ANKRD44: variants seen among roughly 807,000 people sequenced by gnomAD.
ANKRD44 encodes the protein ankyrin repeat domain 44, also known as serine/threonine-protein phosphatase 6 regulatory ankyrin repeat subunit B.
ANKRD44 carries 35 observed loss-of-function variants against 116.0 expected under a neutral mutation model. The ratio of observed to expected loss-of-function variants is 0.30; its 90% CI spans 0.23 to 0.40. The LOEUF is 0.40. ANKRD44 is among the 10% of genes least tolerant of loss of function. ANKRD44 has a pLI of 1.00. For synonymous variants in ANKRD44, 435 were observed against 461.8 expected (o/e 0.94, Z 0.74); for missense variants, 1,014 against 1,242.6 (o/e 0.82, Z 2.77).
At chr2:197,159,420 G>GT (rs924570808) in intron 2 of ANKRD44, among the ~76,000 whole-genome samples, 5 of 152,118 alleles carry the variant, frequency 3.3e-5, no homozygotes, top group African/African-American at 1.2e-4. Flanking sequence ...TTGTTTGACT[G>GT]TGTTTCAAGA....
chr2:197,027,488 T>C (rs923258869), intron 16 of ANKRD44, among the ~76,000 whole-genome samples: 1 of 152,026 alleles, frequency 6.6e-6, no homozygotes, highest in African/African-American at 2.4e-5. Context: ...CCAGGACTGA[T>C]GCCTGGGGCA....
intron 16 of ANKRD44, among the ~76,000 whole-genome samples, chr2:197,063,520 G>T (rs1289367622): frequency 1.3e-5 from 2 of 152,190 alleles, no homozygotes; most frequent in Admixed American, 1.3e-4. Flanking sequence ...AAAGGAGGAA[G>T]TTCGAACCCA....
In ANKRD44 at chr2:197,003,812, T is replaced by A. The variant is rs1185285498; in HGVS notation, c.2347+1882A>T. On this transcript the variant is annotated intron_variant, in intron 21 of 27. Coordinates refer to ENST00000282272, the MANE Select transcript of ANKRD44 (RefSeq NM_001195144.2). ...GAGAGCTCCCACAGCTTGACCCAGA[T>A]GGGGGTCACCCATTAGTAGGTTAAA... Among the ~76,000 whole-genome samples, 3 of 151,834 alleles carry A rather than the reference T, an allele frequency of 2.0e-5. No individual in the cohort carries two copies. In the East Asian group the frequency reaches 5.8e-4, roughly 29 times the overall value.
At chr2:196,975,771 G>A (rs2075753112) in intron 21 of ANKRD44, among the ~76,000 whole-genome samples, 1 of 145,234 alleles carries the variant, frequency 6.9e-6, no homozygotes, top group Admixed American at 7.0e-5. Context: ...CTGGGTGACA[G>A]AGCTAGTCTC....
At chr2:197,301,290 G>GT (rs2083900653) in intron 1 of ANKRD44, 1 of 152,292 alleles carries the variant, frequency 6.6e-6, no homozygotes, top group Middle Eastern at 3.4e-3. Context: ...GAGCTATGCT[G>GT]TATCATTGCT....
Position 196,978,133 on chromosome 2 carries a change from G to A in ANKRD44, c.2369-10687C>T, listed in dbSNP as rs561003538. ...CTATAATCCCCAATGTTAGAGGGGG[G>A]CCTGGTGGGAGGTGTTTGGGTCATG... On this transcript the variant is annotated intron_variant, in intron 21 of 21. Transcript: ENST00000424317. Among the ~76,000 whole-genome samples, 188 of 152,294 alleles carry A rather than the reference G, an allele frequency of 1.2e-3. 1 individual carries two copies. The highest frequency in any genetic ancestry group is 4.4e-3 in the African/African-American group (184 of 41,580).
intron 1 of ANKRD44, among the ~76,000 whole-genome samples, chr2:197,221,167 C>T (rs2081576033): frequency 6.6e-6 from 1 of 151,602 alleles, no homozygotes; most frequent in African/African-American, 2.4e-5. Context: ...AGGAGAATCA[C>T]TGGAACCTGG....
intron 16 of ANKRD44, among the ~76,000 whole-genome samples, chr2:197,026,284 A>G (rs569006438): frequency 6.6e-6 from 1 of 152,350 alleles, no homozygotes; most frequent in Admixed American, 6.5e-5. Context: ...CTACTATAAA[A>G]GAAAGAAGTT....
intron 2 of ANKRD44, among the ~76,000 whole-genome samples, chr2:197,157,575 G>A (rs1157098841): frequency 6.6e-6 from 1 of 151,760 alleles, no homozygotes; most frequent in Non-Finnish European, 1.5e-5. Flanking sequence ...CTACTCAGGA[G>A]GCTGAGGCAG....
intron 2 of ANKRD44, among the ~76,000 whole-genome samples, chr2:197,164,921 C>T (rs1266687965): frequency 2.6e-5 from 4 of 152,108 alleles, no homozygotes; most frequent in Non-Finnish European, 4.4e-5. Flanking sequence ...GGGTTCAAAC[C>T]CTGCCCCCTG....
At chr2:197,192,762 T>C (rs1262444845) in intron 1 of ANKRD44, among the ~76,000 whole-genome samples, 3 of 152,206 alleles carry the variant, frequency 2.0e-5, no homozygotes, top group African/African-American at 7.2e-5. Flanking sequence ...TCTTCCTGAA[T>C]ATAGATCACC....
Position 197,310,637 on chromosome 2 carries a change from G to A in ANKRD44, c.-33C>T, listed in dbSNP as rs2084230338. The A allele has an allele frequency of 1.2e-5, 16 of 1,332,540 alleles. No homozygotes were observed. Among genetic ancestry groups the A allele is most frequent in the Non-Finnish European group, 1.6e-5 (16 of 1,017,850 alleles). 82.5% of individuals were successfully genotyped at this position (1,332,540 alleles called of 1,614,324 possible). A position where few individuals can be genotyped will look rare whatever the true frequency, so the allele number is the denominator to read the frequency against. ...CTCCTTCGCGCGCACACACATGCAG[G>A]TCCCCGGCCCGCAGATGTCACGCCG... is the stretch of plus-strand genomic sequence containing the variant. On this transcript the variant is annotated 5_prime_UTR_variant, in exon 1 of 28. Coordinates refer to ENST00000282272, the MANE Select transcript of ANKRD44 (RefSeq NM_001195144.2).
At chr2:197,273,317 T>G (rs913751580) in intron 1 of ANKRD44, among the ~76,000 whole-genome samples, 1 of 152,194 alleles carries the variant, frequency 6.6e-6, no homozygotes, top group East Asian at 1.9e-4. Flanking sequence ...AACCCGATTT[T>G]TTTAACATCA....
intron 2 of ANKRD44, among the ~76,000 whole-genome samples, chr2:197,169,099 C>G (rs2080167367): frequency 6.6e-6 from 1 of 152,132 alleles, no homozygotes; most frequent in African/African-American, 2.4e-5. Context: ...CACCTTCCCC[C>G]TCCTTCACTC....
chr2:197,138,953 G>C (rs1039837662), intron 3 of ANKRD44, among the ~76,000 whole-genome samples: 3 of 152,154 alleles, frequency 2.0e-5, no homozygotes, highest in African/African-American at 7.2e-5. Flanking sequence ...ATTCGTCAGG[G>C]AGAAGCAAAT....
chr2:197,298,486 CA>C (rs1211648297), intron 1 of ANKRD44, among the ~76,000 whole-genome samples: 1 of 152,146 alleles, frequency 6.6e-6, no homozygotes, highest in Non-Finnish European at 1.5e-5. Flanking sequence ...TATGGACAAA[CA>C]GAAAGGATTC....
intron 1 of ANKRD44, among the ~76,000 whole-genome samples, chr2:197,249,277 A>C (rs1432824195): frequency 6.6e-6 from 1 of 152,216 alleles, no homozygotes; most frequent in Admixed American, 6.5e-5. Context: ...TGTCTCAAAA[A>C]ATGTACAGAA....
rs200707966 is a variant in ANKRD44, at chr2:197,007,852, T to A, written c.2084A>T (p.Asn695Ile). 48 of 1,614,086 alleles carry A rather than the reference T, an allele frequency of 3.0e-5. 1 individual carries two copies. In the South Asian group the frequency reaches 4.6e-4, roughly 16 times the overall value. The part of the protein sequence containing the change: ...AVSLLLEKEA[N>I]VDTVDILGCT... ...TCCTAGGATGTCAACAGTGTCTACGTTGGCTTCCTTTTCAAGTAACAATGA... is the reference window on the plus strand; with the variant it reads ...TCCTAGGATGTCAACAGTGTCTACGATGGCTTCCTTTTCAAGTAACAATGA... Residue 695 changes from asparagine to isoleucine, a missense_variant, in exon 20 of 28, where the codon AAC (asparagine) becomes ATC (isoleucine). By Grantham distance (149) the Asn-to-Ile change is moderately radical (BLOSUM62 -3). Coordinates refer to ENST00000282272, the MANE Select transcript of ANKRD44 (RefSeq NM_001195144.2).
At chr2:197,109,663 C>A (rs1387770585) in intron 9 of ANKRD44, among the ~76,000 whole-genome samples, 2 of 152,130 alleles carry the variant, frequency 1.3e-5, no homozygotes, top group Non-Finnish European at 2.9e-5. Context: ...TCCAAGGAAA[C>A]TGACTAATAT....
Sources: gnomAD v4.1 joint callset for allele counts (sites outside exome capture counted in the v4.1 genomes callset) on GRCh38, gnomAD v4.1.1 for gene constraint, MANE v1.5 for transcripts, NCBI Gene and HGNC (gene_info 2026-07-23, HGNC 2026-07-21) for gene names.